The following TIAM2 variants were observed in gnomAD, a reference collection of about 807,000 sequenced individuals.
TIAM2 encodes TIAM Rac1 associated GEF 2, also known as rho guanine nucleotide exchange factor TIAM2.
In TIAM2, 80 loss-of-function variants were observed where a neutral mutation model predicts 152.9. That is an observed-to-expected ratio of 0.52 (90% CI 0.44 to 0.63). The LOEUF is 0.63. Ranked by LOEUF, TIAM2 falls within the 30% of genes least tolerant of loss-of-function variation. The pLI is 0.00. For missense variants in TIAM2, 1,965 were observed against 2,120.1 expected, an observed-to-expected ratio of 0.93 and a Z score of 1.44; for synonymous variants, 804 against 838.0, an observed-to-expected ratio of 0.96 and a Z score of 0.70.
At chr6:155,231,160 A>G (rs150060545) in intron 15 of TIAM2, among the ~76,000 whole-genome samples, 5 of 152,220 alleles carry the variant, frequency 3.3e-5, no homozygotes, top group Admixed American at 2.0e-4. Context: ...TTCCCTTACC[A>G]GTAAATCACG....
chr6:155,062,581 C>CTTTTTT (rs151244455), intron 1 of TIAM2, among the ~76,000 whole-genome samples: 1 of 143,268 alleles, frequency 7.0e-6, no homozygotes. Flanking sequence ...TTTTCTTTTT[C>CTTTTTT]TTTTCTTTTT....
At chr6:155,116,449 G>A (rs1779014085) in intron 2 of TIAM2, among the ~76,000 whole-genome samples, 1 of 152,174 alleles carries the variant, frequency 6.6e-6, no homozygotes. Flanking sequence ...ATTTTATGAA[G>A]GTGGGGAAAG....
At chr6:155,187,840 A>G (rs552456545) in intron 14 of TIAM2, among the ~76,000 whole-genome samples, 145 of 151,886 alleles carry the variant, frequency 9.5e-4, no homozygotes, top group Non-Finnish European at 1.7e-3. Flanking sequence ...GACCTCCCAA[A>G]GTGCTGGGAT....
intron 14 of TIAM2, among the ~76,000 whole-genome samples, chr6:155,209,884 G>A (rs1238886719): frequency 6.6e-6 from 1 of 152,116 alleles, no homozygotes; most frequent in African/African-American, 2.4e-5. Context: ...CAACCTCCAG[G>A]GGTTCCCCTA....
At chr6:155,077,856 C>T (rs923101451) in intron 1 of TIAM2, among the ~76,000 whole-genome samples, 54 of 152,284 alleles carry the variant, frequency 3.5e-4, no homozygotes, top group African/African-American at 1.2e-3. Flanking sequence ...TTGCCTGTAG[C>T]GCCTCACTGG....
At chr6:155,192,721 A>G (rs1447547281) in intron 14 of TIAM2, among the ~76,000 whole-genome samples, 7 of 152,078 alleles carry the variant, frequency 4.6e-5, no homozygotes, top group Non-Finnish European at 7.4e-5. Context: ...GAAGAAAACT[A>G]GATTCTCATA....
chr6:155,062,528 T>C (rs932375327), intron 1 of TIAM2, among the ~76,000 whole-genome samples: 2 of 152,072 alleles, frequency 1.3e-5, no homozygotes, highest in Non-Finnish European at 2.9e-5. Context: ...TTTATCATTC[T>C]AGTAAGTGTA....
intron 5 of TIAM2, among the ~76,000 whole-genome samples, chr6:155,140,370 G>A (rs1252427375): frequency 6.6e-6 from 1 of 152,120 alleles, no homozygotes; most frequent in African/African-American, 2.4e-5. Context: ...CACATGATGT[G>A]AATACTTAGA....
intron 1 of TIAM2, among the ~76,000 whole-genome samples, chr6:155,078,422 G>A (rs1778000088): frequency 6.6e-6 from 1 of 152,134 alleles, no homozygotes. Context: ...ATCCTTATCT[G>A]CTTTTCTCCT....
chr6:155,127,670 T>C, intron 3 of TIAM2, 70 bp downstream of exon 3: 1 of 442,618 alleles, frequency 2.3e-6, no homozygotes. Context: ...TAAGTAAAGG[T>C]TTAATTATTT....
chr6:155,222,899 C>T (rs568205776), intron 15 of TIAM2, among the ~76,000 whole-genome samples: 8 of 152,252 alleles, frequency 5.3e-5, no homozygotes, highest in African/African-American at 1.9e-4. Flanking sequence ...TTGCTTCGGT[C>T]GTTTATTGTC....
In TIAM2 at chr6:155,245,689, T is replaced by C. The variant is rs763550447; in HGVS notation, c.3610T>C (p.Phe1204Leu). 1 of 1,613,990 alleles carries C rather than the reference T, an allele frequency of 6.2e-7. No homozygotes were observed. Among genetic ancestry groups the C allele is most frequent in the Non-Finnish European group, 8.5e-7 (1 of 1,179,992 alleles). The change falls in exon 19 of 27, where the codon TTC becomes CTC. Residue 1204 changes from phenylalanine to leucine, a missense_variant. Physicochemically the swap from Phe to Leu is conservative, Grantham distance 22 (BLOSUM62 0). Transcript: ENST00000682666. The part of the protein sequence containing the change: ...YADHFKLYSG[F>L]CANHIKVQKV... ...GGACCACTTTAAACTGTACAGTGGA[T>C]TCTGTGCTAACCATATCAAAGTACA...
chr6:155,015,966 A>G (rs1290514524), intron 1 of TIAM2, among the ~76,000 whole-genome samples: 3 of 151,240 alleles, frequency 2.0e-5, no homozygotes, highest in African/African-American at 7.3e-5. Flanking sequence ...AAAAAAAAAA[A>G]AAAAAAACTC....
chr6:155,176,291 T>C (rs1780756046), intron 9 of TIAM2, among the ~76,000 whole-genome samples: 2 of 152,208 alleles, frequency 1.3e-5, no homozygotes, highest in South Asian at 4.1e-4. Flanking sequence ...TGGAGTGCAG[T>C]GGCATGATCT....
intron 1 of TIAM2, among the ~76,000 whole-genome samples, chr6:155,043,162 T>G (rs1451663549): frequency 6.6e-6 from 1 of 152,176 alleles, no homozygotes; most frequent in Non-Finnish European, 1.5e-5. Context: ...GAAGTGGATT[T>G]AAATCAGATT....
intron 15 of TIAM2, chr6:155,216,778 GT>G: frequency 6.6e-6 from 3 of 451,888 alleles, no homozygotes; most frequent in Non-Finnish European, 9.7e-6. Context: ...GTGGCCCTCT[GT>G]GGTCCCATTG....
intron 4 of TIAM2, among the ~76,000 whole-genome samples, chr6:155,133,140 A>C (rs959695591): frequency 3.3e-5 from 5 of 152,206 alleles, no homozygotes; most frequent in Non-Finnish European, 7.3e-5. Context: ...GGATCACTGG[A>C]GGTCAGGAGT....
At chr6:155,185,490 TTTTATTTATTTA>T (rs57784770) in intron 14 of TIAM2, among the ~76,000 whole-genome samples, 32,515 of 145,840 alleles carry the variant, frequency 0.22, 3,986 homozygotes, top group Non-Finnish European at 0.28. Flanking sequence ...GTTAAGCCAC[TTTTATTTATTTA>T]TTTATTTATT....
chr6:155,006,962 A>G (rs924595336), intron 1 of TIAM2, among the ~76,000 whole-genome samples: 2 of 152,236 alleles, frequency 1.3e-5, no homozygotes, highest in Admixed American at 1.3e-4. Flanking sequence ...AAGTGTTGGG[A>G]TTACAGGCAT....
Sources: gnomAD v4.1 joint callset for allele counts (sites outside exome capture counted in the v4.1 genomes callset) on GRCh38, gnomAD v4.1.1 for gene constraint, MANE v1.5 for transcripts, NCBI Gene and HGNC (gene_info 2026-07-23, HGNC 2026-07-21) for gene names.